The following RTTN variants were observed in gnomAD, a reference collection of about 807,000 sequenced individuals.
RTTN encodes the protein rotatin.
A neutral mutation model predicts 269.2 loss-of-function variants in RTTN; 182 were observed. The observed-to-expected ratio is 0.68, with a 90% CI of 0.60 to 0.76. RTTN has a LOEUF of 0.76. Ranked by LOEUF, RTTN falls within the 30% of genes least tolerant of loss-of-function variation. The probability of loss-of-function intolerance (pLI) is 0.00; values close to 1 mark genes in which losing one functional copy is unlikely to be tolerated. For synonymous variants in RTTN, 1,006 were observed against 963.5 expected, an observed-to-expected ratio of 1.04 and a Z score of -0.82; for missense variants, 2,545 against 2,608.6, an observed-to-expected ratio of 0.98 and a Z score of 0.53.
At chr18:70,090,482 T>C (rs754168402) in intron 30 of RTTN, among the ~76,000 whole-genome samples, 2 of 152,202 alleles carry the variant, frequency 1.3e-5, no homozygotes, top group South Asian at 2.1e-4. Context: ...TGTGAGATGA[T>C]ACAATGATTA....
intron 14 of RTTN, among the ~76,000 whole-genome samples, chr18:70,155,990 G>A (rs540174601): frequency 8.6e-5 from 13 of 151,990 alleles, no homozygotes; most frequent in South Asian, 4.2e-4. Context: ...GATGTATGTC[G>A]CCTCAGGACC....
chr18:70,088,448 T>C (rs1284851902), intron 30 of RTTN, among the ~76,000 whole-genome samples: 1 of 152,246 alleles, frequency 6.6e-6, no homozygotes, highest in Non-Finnish European at 1.5e-5. Context: ...TTACATTTTA[T>C]GAACACAATT....
At chr18:70,030,676 A>C (rs1009232819) in intron 41 of RTTN, among the ~76,000 whole-genome samples, 200 bp downstream of exon 41, 2 of 152,226 alleles carry the variant, frequency 1.3e-5, no homozygotes, top group Non-Finnish European at 2.9e-5. Context: ...ACAAACAAAA[A>C]CAAACTATGT....
At chr18:70,073,639 C>T (rs1284326555) in intron 34 of RTTN, among the ~76,000 whole-genome samples, 1 of 152,184 alleles carries the variant, frequency 6.6e-6, no homozygotes, top group African/African-American at 2.4e-5. Flanking sequence ...CTGGTTCAAA[C>T]TCCAGTTCTG....
At chr18:70,084,064 C>T (rs1480609648) in intron 32 of RTTN, among the ~76,000 whole-genome samples, 1 of 151,972 alleles carries the variant, frequency 6.6e-6, no homozygotes, top group Non-Finnish European at 1.5e-5. Flanking sequence ...TATGTCATGA[C>T]ATGAAGTAGG....
Position 70,100,957 on chromosome 18 carries a change from T to C in RTTN, c.3904-8153A>G, listed in dbSNP as rs535897984. Reference sequence around the variant, plus strand: ...TGATCATGGTGGATAAGCTTTTTCATGTGCTGCTGGATTCAGTTTGCCAGT... The same window carrying C: ...TGATCATGGTGGATAAGCTTTTTCACGTGCTGCTGGATTCAGTTTGCCAGT... On this transcript the variant is annotated intron_variant, in intron 28 of 48. Transcript: ENST00000640769. Among the ~76,000 whole-genome samples the C allele has an allele frequency of 2.6e-5, 4 of 152,356 alleles. No homozygotes were observed. The South Asian group carries it at 6.2e-4, about 24-fold the overall frequency.
intron 40 of RTTN, among the ~76,000 whole-genome samples, chr18:70,040,842 A>G (rs904616864): frequency 1.3e-5 from 2 of 152,250 alleles, no homozygotes; most frequent in African/African-American, 4.8e-5. Flanking sequence ...CTATACAAAC[A>G]TATGAAAATT....
intron 14 of RTTN, among the ~76,000 whole-genome samples, chr18:70,154,429 T>C (rs2060620580): frequency 6.6e-6 from 1 of 152,176 alleles, no homozygotes; most frequent in South Asian, 2.1e-4. Flanking sequence ...TCAAGAAAGA[T>C]ATCAAATCGT....
chr18:70,077,532 T>C (rs566132883), intron 32 of RTTN, among the ~76,000 whole-genome samples: 1 of 152,050 alleles, frequency 6.6e-6, no homozygotes, highest in South Asian at 2.1e-4. Context: ...TTTTAAGTAT[T>C]TTAGAAGTGA....
In RTTN at chr18:70,140,131, T is replaced by C; in HGVS notation, c.2639A>G (p.Tyr880Cys). The C allele has an allele frequency of 6.2e-7, 1 of 1,600,082 alleles. No individual in the cohort carries two copies. The change falls in exon 20 of 49, where the codon TAT becomes TGT. Residue 880 changes from tyrosine to cysteine, a missense_variant. Transcript: ENST00000640769. ...ATCTTGACTCACACATTCATTTAAA[T>C]ACTCAATTATTTTGTCAATTAAGCA... ...KLCLIDKIIE[Y>C]LNECVSQDGK...
chr18:70,031,051 A>G, intron 40 of RTTN, 70 bp from the exon 41 acceptor site: 1 of 1,007,906 alleles, frequency 9.9e-7, no homozygotes, highest in Non-Finnish European at 1.5e-6. Context: ...GTGAATAAAG[A>G]ACATTTTCTA....
chr18:70,113,667 G>A (rs2059531622), intron 27 of RTTN, among the ~76,000 whole-genome samples: 1 of 152,084 alleles, frequency 6.6e-6, no homozygotes, highest in African/African-American at 2.4e-5. Context: ...TGAATGAATG[G>A]ATAAACAAAA....
chr18:70,103,396 A>C (rs1047939643), intron 28 of RTTN, among the ~76,000 whole-genome samples: 1 of 152,178 alleles, frequency 6.6e-6, no homozygotes, highest in Non-Finnish European at 1.5e-5. Context: ...AGCAGACTCC[A>C]TTTTGTTCTG....
At chr18:70,022,714 C>T (rs2056741267) in intron 44 of RTTN, among the ~76,000 whole-genome samples, 2 of 152,174 alleles carry the variant, frequency 1.3e-5, no homozygotes, top group African/African-American at 4.8e-5. Flanking sequence ...TTTTTTCTAT[C>T]CTCACTTTAG....
At chr18:70,070,726 G>T (rs928210233) in intron 34 of RTTN, among the ~76,000 whole-genome samples, 21 of 152,008 alleles carry the variant, frequency 1.4e-4, no homozygotes, top group African/African-American at 4.6e-4. Flanking sequence ...TTAGCTTTCC[G>T]TCCCACATTC....
chr18:70,061,591 T>C (rs1301375734), intron 35 of RTTN, among the ~76,000 whole-genome samples: 1 of 152,176 alleles, frequency 6.6e-6, no homozygotes, highest in Non-Finnish European at 1.5e-5. Context: ...AATTCCAGAA[T>C]TTTGTGAGGC....
intron 18 of RTTN, among the ~76,000 whole-genome samples, chr18:70,144,706 C>A (rs2060344827): frequency 6.6e-6 from 1 of 152,116 alleles, no homozygotes; most frequent in African/African-American, 2.4e-5. Context: ...ACTCTCCAAT[C>A]CCCCTGCCAG....
At chr18:70,139,207 A>G (rs1057289408) in intron 21 of RTTN, among the ~76,000 whole-genome samples, 5 of 152,224 alleles carry the variant, frequency 3.3e-5, no homozygotes, top group Admixed American at 2.0e-4. Context: ...GTCAAATGAA[A>G]TAATCAGACA....
intron 21 of RTTN, among the ~76,000 whole-genome samples, chr18:70,136,707 G>A (rs1284880728): frequency 6.6e-6 from 1 of 151,908 alleles, no homozygotes; most frequent in Non-Finnish European, 1.5e-5. Context: ...ATGAAAATAA[G>A]CATTTTTAAA....
Sources: gnomAD v4.1 joint callset for allele counts (sites outside exome capture counted in the v4.1 genomes callset) on GRCh38, gnomAD v4.1.1 for gene constraint, MANE v1.5 for transcripts, NCBI Gene and HGNC (gene_info 2026-07-23, HGNC 2026-07-21) for gene names.